The following IL1RAPL1 variants were observed in gnomAD, a reference collection of about 807,000 sequenced individuals.
IL1RAPL1 encodes interleukin 1 receptor accessory protein like 1.
A neutral mutation model predicts 48.4 loss-of-function variants in IL1RAPL1; 3 were observed. The observed-to-expected ratio is 0.06, with a 90% CI of 0.03 to 0.16. IL1RAPL1 has a LOEUF of 0.16. Ranked by LOEUF, IL1RAPL1 falls within the 10% of genes least tolerant of loss-of-function variation. IL1RAPL1 has a pLI of 1.00. For missense variants in IL1RAPL1, 349 were observed against 530.6 expected (o/e 0.66, Z 3.36); for synonymous variants, 185 against 187.7 (o/e 0.99, Z 0.12).
At chrX:29,948,125 G>A (rs1204524801) in intron 9 of IL1RAPL1, among the ~76,000 whole-genome samples, 4 of 111,102 alleles carry the variant, frequency 3.6e-5, no homozygotes, top group Non-Finnish European at 7.6e-5. Context: ...TCAGGAAGGT[G>A]CTATTTTATA....
At chrX:29,666,831 C>T (rs1362378826) in intron 5 of IL1RAPL1, among the ~76,000 whole-genome samples, 1 of 111,276 alleles carries the variant, frequency 9.0e-6, no homozygotes, top group African/African-American at 3.3e-5. Context: ...TATAAACTGA[C>T]ATAATTTACT....
At chrX:29,577,686 A>T (rs1922822783) in intron 5 of IL1RAPL1, among the ~76,000 whole-genome samples, 1 of 111,962 alleles carries the variant, frequency 8.9e-6, no homozygotes, top group Non-Finnish European at 1.9e-5. Flanking sequence ...CAATGTTCAA[A>T]TTTCAGGTAG....
In IL1RAPL1 at chrX:28,625,363, G is replaced by A. The variant is rs1180537363; in HGVS notation, c.-25+37316G>A. ...GAAAGGATTTAAGGGCCCACACAGA[G>A]TAGAGAGGCAGCAGATCAGCCACCT... On this transcript the variant is annotated intron_variant, in intron 1 of 10. Coordinates refer to ENST00000378993, the MANE Select transcript of IL1RAPL1 (RefSeq NM_014271.4). Among the ~76,000 whole-genome samples the A allele has an allele frequency of 5.4e-5, 6 of 111,929 alleles. No individual in the cohort carries two copies. In the East Asian group the frequency reaches 1.7e-3, roughly 32 times the overall value.
chrX:28,693,681 A>G (rs1358562672), intron 1 of IL1RAPL1, among the ~76,000 whole-genome samples: 1 of 111,880 alleles, frequency 8.9e-6, no homozygotes, highest in Non-Finnish European at 1.9e-5. Flanking sequence ...AGTGAATTTG[A>G]TAGGATTATT....
chrX:29,532,033 A>AG (rs766235861), intron 5 of IL1RAPL1, among the ~76,000 whole-genome samples: 299 of 111,255 alleles, frequency 2.7e-3, no homozygotes, highest in Non-Finnish European at 3.9e-3. Context: ...TCGCGGGGAG[A>AG]GGGGGGGCGC....
chrX:29,491,245 A>T (rs980943903), intron 5 of IL1RAPL1, among the ~76,000 whole-genome samples: 1 of 112,319 alleles, frequency 8.9e-6, no homozygotes, highest in Non-Finnish European at 1.9e-5. Context: ...TAACTGTGCT[A>T]TCACAAGCTA....
intron 3 of IL1RAPL1, among the ~76,000 whole-genome samples, chrX:29,309,528 C>T (rs1461439674): frequency 8.9e-6 from 1 of 112,304 alleles, no homozygotes; most frequent in African/African-American, 3.2e-5. Context: ...AAAAAAAGGG[C>T]GGGGCTGGGC....
chrX:29,029,428 T>C (rs1394755782), intron 2 of IL1RAPL1, among the ~76,000 whole-genome samples: 1 of 111,541 alleles, frequency 9.0e-6, no homozygotes, highest in Non-Finnish European at 1.9e-5. Flanking sequence ...ACACAGGTAA[T>C]GTAAAACTGC....
intron 3 of IL1RAPL1, among the ~76,000 whole-genome samples, chrX:29,374,131 A>G (rs768082830): frequency 9.5e-6 from 1 of 104,843 alleles, no homozygotes; most frequent in Admixed American, 1.1e-4. Context: ...TTTTGGTAGC[A>G]GGCTGATGCT....
At chrX:29,207,017 A>C (rs1930678978) in intron 2 of IL1RAPL1, among the ~76,000 whole-genome samples, 1 of 111,119 alleles carries the variant, frequency 9.0e-6, no homozygotes, top group African/African-American at 3.3e-5. Context: ...TCCAGTCCTC[A>C]CCCCAAGGGC....
intron 2 of IL1RAPL1, among the ~76,000 whole-genome samples, chrX:28,919,663 T>A (rs889355601): frequency 1.3e-4 from 15 of 111,984 alleles, no homozygotes; most frequent in African/African-American, 4.5e-4. Context: ...GTTGGTTATG[T>A]AAAGCCATCT....
intron 3 of IL1RAPL1, among the ~76,000 whole-genome samples, chrX:29,387,244 G>A (rs867802890): frequency 1.5e-4 from 17 of 111,986 alleles, no homozygotes; most frequent in Non-Finnish European, 2.6e-4. Context: ...TCTGGTTTGC[G>A]TTTTCATTTT....
intron 8 of IL1RAPL1, among the ~76,000 whole-genome samples, chrX:29,937,053 G>C (rs1486118701): frequency 9.0e-6 from 1 of 111,644 alleles, no homozygotes; most frequent in Non-Finnish European, 1.9e-5. Flanking sequence ...GCCCTTAAAT[G>C]CAACTCTTTG....
At chrX:29,045,642 T>C (rs1926939575) in intron 2 of IL1RAPL1, among the ~76,000 whole-genome samples, 1 of 111,096 alleles carries the variant, frequency 9.0e-6, no homozygotes. Context: ...TTTTTAAAAT[T>C]ATTTTTTGTA....
In IL1RAPL1 at chrX:29,797,523, G is replaced by C. The variant is rs952742807; in HGVS notation, c.779-119941G>C. On this transcript the variant is annotated intron_variant, in intron 6 of 10. Coordinates refer to ENST00000378993, the MANE Select transcript of IL1RAPL1 (RefSeq NM_014271.4). The stretch of plus-strand genomic sequence containing the variant: ...TTAAATCAATGCTGGAGGAAGATGG[G>C]TGGCATCACATTCAATGACAAGGAT... 2.7e-5 allele frequency among the ~76,000 whole-genome samples: 3 copies of C among 111,931 alleles called. No homozygotes were observed. The Admixed American group carries it at 2.9e-4, about 11-fold the overall frequency.
chrX:28,667,387 A>G (rs755807232), intron 1 of IL1RAPL1, among the ~76,000 whole-genome samples: 5 of 112,120 alleles, frequency 4.5e-5, no homozygotes, highest in African/African-American at 1.6e-4. Flanking sequence ...CTTATTGTCA[A>G]TCGAATCACT....
rs1464302236 is a variant in IL1RAPL1 at position 29,802,964 on chromosome X, T to C, written c.779-114500T>C. Reference sequence around the variant, plus strand: ...ATATGTATGCATATATGTATACATGTGTACATATATACATACATGTGTACA... The same window carrying C: ...ATATGTATGCATATATGTATACATGCGTACATATATACATACATGTGTACA... On this transcript the variant is annotated intron_variant, in intron 6 of 10. Coordinates refer to ENST00000378993, the MANE Select transcript of IL1RAPL1 (RefSeq NM_014271.4). 2.5e-4 allele frequency among the ~76,000 whole-genome samples: 23 copies of C among 91,113 alleles called. 1 individual carries two copies. The highest frequency in any genetic ancestry group is 8.7e-4 in the African/African-American group (21 of 24,074). 79.1% of individuals were successfully genotyped at this position (91,113 alleles called of 115,157 possible). A position where few individuals can be genotyped will look rare whatever the true frequency, so the allele number is the denominator to read the frequency against.
At chrX:29,710,596 ATGTG>A (rs753193268) in intron 6 of IL1RAPL1, among the ~76,000 whole-genome samples, 5 of 104,591 alleles carry the variant, frequency 4.8e-5, no homozygotes, top group Admixed American at 1.0e-4. Context: ...ACATACATAT[ATGTG>A]TGTGTGTATA....
intron 1 of IL1RAPL1, among the ~76,000 whole-genome samples, chrX:28,742,523 G>C (rs1163231541): frequency 9.0e-6 from 1 of 111,663 alleles, no homozygotes; most frequent in Non-Finnish European, 1.9e-5. Flanking sequence ...TGAAAGCAGA[G>C]GGACTCCATT....
Sources: gnomAD v4.1 joint callset for allele counts (sites outside exome capture counted in the v4.1 genomes callset) on GRCh38, gnomAD v4.1.1 for gene constraint, MANE v1.5 for transcripts, NCBI Gene and HGNC (gene_info 2026-07-23, HGNC 2026-07-21) for gene names.